PTPRG: variants seen among roughly 807,000 people sequenced by gnomAD.
PTPRG encodes the protein protein tyrosine phosphatase receptor type G.
Under a neutral mutation model 165.3 loss-of-function variants are expected in PTPRG, and 102 were observed. The ratio of observed to expected loss-of-function variants is 0.62; its 90% confidence interval spans 0.53 to 0.73. The LOEUF is 0.73. PTPRG is among the 30% of genes least tolerant of loss of function. PTPRG has a pLI of 0.00. For missense variants in PTPRG, 1,866 were observed against 1,861.4 expected (o/e 1.00, Z -0.05); for synonymous variants, 675 against 669.5 (o/e 1.01, Z -0.13).
At chr3:62,000,845 T>G (rs756531634) in intron 3 of PTPRG, among the ~76,000 whole-genome samples, 1 of 152,214 alleles carries the variant, frequency 6.6e-6, no homozygotes, top group Non-Finnish European at 1.5e-5. Flanking sequence ...ACTGAATATG[T>G]GTTTGCTGGC....
intron 16 of PTPRG, among the ~76,000 whole-genome samples, chr3:62,259,785 C>T (rs533836753): frequency 1.3e-5 from 2 of 152,066 alleles, no homozygotes; most frequent in African/African-American, 2.4e-5. Context: ...GATAAAGATA[C>T]ATGGATTTGG....
intron 2 of PTPRG, among the ~76,000 whole-genome samples, chr3:61,789,313 G>T (rs1174182540): frequency 6.6e-6 from 1 of 151,982 alleles, no homozygotes; most frequent in Non-Finnish European, 1.5e-5. Flanking sequence ...TGTTGCCCAG[G>T]CTGGTCTCAG....
At position 61,715,212 on chromosome 3, in the gene PTPRG, AT is replaced by A. The variant is rs573445460; in HGVS notation, c.86-33659del. ...TTTTTTTTTCTTCCTTAAGGAGCTT[AT>A]TTTTTTGTTTGTTTGTTTTTGAGTC... On this transcript the variant is annotated intron_variant, in intron 1 of 29. Transcript: ENST00000474889. 3.9e-4 allele frequency among the ~76,000 whole-genome samples: 46 copies of A among 116,458 alleles called. 1 individual carries two copies. In the East Asian group the frequency reaches 9.9e-3, roughly 25 times the overall value. The allele number at this position is 116,458 out of a possible 152,430, so 76.4% of individuals were successfully genotyped here. A position where few individuals can be genotyped will look rare whatever the true frequency, so the allele number is the denominator to read the frequency against.
chr3:61,776,668 C>T (rs192344666), intron 2 of PTPRG, among the ~76,000 whole-genome samples: 1 of 151,098 alleles, frequency 6.6e-6, no homozygotes, highest in Admixed American at 6.6e-5. Flanking sequence ...ATGCTCTCTG[C>T]TTGCAATTAT....
rs1247832579 is a variant in PTPRG, at chr3:61,940,480, T to TAGGAA, written c.191-49145_191-49144insAGGAA. Among the ~76,000 whole-genome samples the TAGGAA allele has an allele frequency of 8.5e-5, 13 of 152,248 alleles. No individual in the cohort carries two copies. The East Asian group carries it at 1.9e-3, about 23-fold the overall frequency. On this transcript the variant is annotated intron_variant, in intron 2 of 29. Coordinates refer to ENST00000474889, the MANE Select transcript of PTPRG (RefSeq NM_002841.4). ...TCTGAAGGAAGTGCCAAGATTTTTT[T>TAGGAA]TCTCCTTCACTGATTCCTCCTTTCT...
intron 4 of PTPRG, among the ~76,000 whole-genome samples, chr3:62,019,509 T>G (rs141303341): frequency 0.013 from 1,535 of 121,632 alleles, 22 homozygotes; most frequent in African/African-American, 0.048. Context: ...GGTGACAGAG[T>G]GAGACCCCAT....
intron 2 of PTPRG, among the ~76,000 whole-genome samples, chr3:61,764,139 T>C (rs612089): frequency 0.84 from 127,716 of 152,146 alleles, 53,886 homozygotes; most frequent in East Asian, 0.94. Flanking sequence ...GAAAAGCTTG[T>C]ATAGTGCCCC....
At chr3:61,986,692 A>G (rs1420258372) in intron 2 of PTPRG, among the ~76,000 whole-genome samples, 2 of 152,120 alleles carry the variant, frequency 1.3e-5, no homozygotes, top group African/African-American at 4.8e-5. Flanking sequence ...GGACTTGTGT[A>G]CTAGATTGAC....
intron 2 of PTPRG, among the ~76,000 whole-genome samples, chr3:61,875,036 T>A (rs770151943): frequency 1.3e-5 from 2 of 152,170 alleles, no homozygotes; most frequent in Non-Finnish European, 2.9e-5. Flanking sequence ...TCTTTAGAAA[T>A]TCTCACTCTT....
chr3:62,281,309 C>G (rs1166374502), intron 26 of PTPRG, among the ~76,000 whole-genome samples: 1 of 151,854 alleles, frequency 6.6e-6, no homozygotes, highest in Non-Finnish European at 1.5e-5. Flanking sequence ...GTAATAAGTC[C>G]CCTATAGTGG....
Position 62,132,644 on chromosome 3 carries a change from G to A in PTPRG, c.658G>A (p.Gly220Arg), listed in dbSNP as rs762248211. ...DNSALDPIIH[G>R]LKGVVHHEKE... Reference sequence around the variant, plus strand: ...TTCTGCACTGGATCCTATTATCCACGGGTTGAAGGGTGTCGTACATCATGG... The same window carrying A: ...TTCTGCACTGGATCCTATTATCCACAGGTTGAAGGGTGTCGTACATCATGG... The change falls in exon 6 of 30, where the codon GGG becomes AGG. Residue 220 changes from glycine to arginine, a missense_variant. Transcript: ENST00000474889. 5 of 1,612,092 alleles carry A rather than the reference G, an allele frequency of 3.1e-6. No homozygotes were observed. Among genetic ancestry groups the A allele is most frequent in the Admixed American group, 3.3e-5 (2 of 60,010 alleles).
At chr3:61,782,980 T>G (rs551233569) in intron 2 of PTPRG, among the ~76,000 whole-genome samples, 95 of 151,794 alleles carry the variant, frequency 6.3e-4, no homozygotes, top group African/African-American at 2.2e-3. Context: ...TTAAAACAAA[T>G]TTTTTTTAAG....
In PTPRG at chr3:62,293,512, G is replaced by GC; in HGVS notation, c.*206dup. On this transcript the variant is annotated 3_prime_UTR_variant, in exon 30 of 30. Coordinates refer to ENST00000474889, the MANE Select transcript of PTPRG (RefSeq NM_002841.4). ...CTCTGTTCATTTCACACAGTGAAAC[G>GC]CAATTTTACCTAGTTTGCACTATAT... 1 of 426,380 alleles carries GC rather than the reference G, an allele frequency of 2.3e-6. No individual in the cohort carries two copies. The highest frequency in any genetic ancestry group is 4.1e-6 in the Non-Finnish European group (1 of 242,868). 26.4% of individuals were successfully genotyped at this position (426,380 alleles called of 1,614,324 possible).
rs1388100597 is a variant in PTPRG at position 61,890,412 on chromosome 3, G to GTTTTTTTTTTTTTTTTTTTT, written c.191-99203_191-99202insTTTTTTTTTTTTTTTTTTTT. Among the ~76,000 whole-genome samples, 102 of 95,328 alleles carry GTTTTTTTTTTTTTTTTTTTT rather than the reference G, an allele frequency of 1.1e-3. 3 individuals carry two copies. The highest frequency in any genetic ancestry group is 2.5e-3 in the African/African-American group (55 of 21,860). The allele number at this position is 95,328 out of a possible 152,430, so 62.5% of individuals were successfully genotyped here. A position where few individuals can be genotyped will look rare whatever the true frequency, so the allele number is the denominator to read the frequency against. ...GTTTTGGGCGGGTTTCTTGTTCTTT[G>GTTTTTTTTTTTTTTTTTTTT]TTTTTTTTTTGTTTTTTTTTTTTTT... On this transcript the variant is annotated intron_variant, in intron 2 of 29. Coordinates refer to ENST00000474889, the MANE Select transcript of PTPRG (RefSeq NM_002841.4).
intron 2 of PTPRG, among the ~76,000 whole-genome samples, chr3:61,943,728 C>A (rs1325996337): frequency 6.6e-6 from 1 of 152,202 alleles, no homozygotes; most frequent in African/African-American, 2.4e-5. Flanking sequence ...TTACTCTCTT[C>A]ATGGGGTACG....
intron 1 of PTPRG, among the ~76,000 whole-genome samples, chr3:61,702,086 C>G (rs560682237): frequency 4.6e-5 from 7 of 152,274 alleles, no homozygotes; most frequent in African/African-American, 1.4e-4. Context: ...TCAAGTGATT[C>G]TCCTGCCTCA....
intron 2 of PTPRG, among the ~76,000 whole-genome samples, chr3:61,926,612 C>CCTCCCTCCCTCCCTCCCTCCTTCT (rs2039219291): frequency 7.3e-6 from 1 of 136,180 alleles, no homozygotes; most frequent in Non-Finnish European, 1.5e-5. Context: ...TCCCTCCCTC[C>CCTCCCTCCCTCCCTCCCTCCTTCT]TTCCTTCCTT....
intron 2 of PTPRG, among the ~76,000 whole-genome samples, chr3:61,941,614 C>T (rs1390737728): frequency 1.4e-5 from 2 of 141,432 alleles, no homozygotes; most frequent in African/African-American, 5.6e-5. Flanking sequence ...AGCAAAACTC[C>T]ATCTCAACAA....
intron 1 of PTPRG, among the ~76,000 whole-genome samples, chr3:61,664,393 C>T (rs777725425): frequency 6.6e-6 from 1 of 152,174 alleles, no homozygotes; most frequent in African/African-American, 2.4e-5. Flanking sequence ...AATCCTCAGT[C>T]CAAGAGCATG....
Sources: allele counts gnomAD v4.1 joint callset (sites outside exome capture counted in the v4.1 genomes callset), GRCh38; gene constraint gnomAD v4.1.1; transcripts MANE v1.5; gene names NCBI Gene and HGNC (gene_info 2026-07-23, HGNC 2026-07-21).